The following HIVEP3 variants were observed in gnomAD, a reference collection of about 807,000 sequenced individuals.
HIVEP3 encodes the protein transcription factor HIVEP3.
A neutral mutation model predicts 152.8 loss-of-function variants in HIVEP3; 49 were observed. The ratio of observed to expected loss-of-function variants is 0.32; its 90% CI spans 0.26 to 0.41. The LOEUF (loss-of-function observed/expected upper bound fraction) is 0.41, where lower values mean the gene tolerates loss of function less well. HIVEP3 is among the 10% of genes least tolerant of loss of function. The pLI is 1.00. For missense variants in HIVEP3, 2,790 were observed against 3,103.3 expected, an observed-to-expected ratio of 0.90 and a Z score of 2.40; for synonymous variants, 1,269 against 1,289.0, an observed-to-expected ratio of 0.98 and a Z score of 0.33.
chr1:41,534,758 T>C (rs908799806), intron 5 of HIVEP3, among the ~76,000 whole-genome samples: 3 of 152,014 alleles, frequency 2.0e-5, no homozygotes, highest in African/African-American at 7.2e-5. Context: ...ACTCCAGGAG[T>C]TCCTGAGCAC....
chr1:41,995,162 A>C (rs774183536), intron 1 of HIVEP3, among the ~76,000 whole-genome samples: 4 of 152,110 alleles, frequency 2.6e-5, no homozygotes, highest in Non-Finnish European at 5.9e-5. Flanking sequence ...GTACCCAGTG[A>C]AAGGCCCAGT....
intron 1 of HIVEP3, among the ~76,000 whole-genome samples, chr1:41,905,637 T>A (rs751550285): frequency 2.0e-5 from 3 of 152,094 alleles, no homozygotes; most frequent in Non-Finnish European, 4.4e-5. Context: ...GATCACACAG[T>A]TAGTATATGA....
In HIVEP3 at chr1:41,580,149, C is replaced by T; in HGVS notation, c.4649G>A (p.Ser1550Asn). 1 of 1,613,716 alleles carries T rather than the reference C, an allele frequency of 6.2e-7. No individual in the cohort carries two copies. Among genetic ancestry groups the T allele is most frequent in the East Asian group, 2.2e-5 (1 of 44,878 alleles). Residue 1550 changes from serine (S) to asparagine (N), a missense_variant, in exon 4 of 9, where the codon AGC (serine) becomes AAC (asparagine). Transcript: ENST00000372583. ...TTCCTTGGAATCTTCTTTCTTCACG[C>T]TCAGTGGGGTCAACCCTCTTCGGTG... ...KPHRRGLTPL[S>N]VKKEDSKEQP...
intron 1 of HIVEP3, among the ~76,000 whole-genome samples, chr1:42,000,997 T>C (rs1367956991): frequency 2.6e-5 from 4 of 152,156 alleles, no homozygotes; most frequent in African/African-American, 9.7e-5. Flanking sequence ...AACAACCCCA[T>C]GAAGCATGAC....
intron 1 of HIVEP3, among the ~76,000 whole-genome samples, chr1:41,834,457 G>C (rs1643063135): frequency 1.3e-5 from 2 of 152,200 alleles, no homozygotes; most frequent in South Asian, 4.1e-4. Flanking sequence ...AGCACACCAA[G>C]TGTTCAGTAA....
chr1:41,584,233 G>A lies in HIVEP3; in HGVS notation c.565C>T (p.Pro189Ser). Residue 189 changes from proline (P) to serine (S), a missense_variant, in exon 4 of 9, where the codon CCA (proline) becomes TCA (serine). Transcript: ENST00000372583. This position sits in a 1 kb window ranked among gnomAD's most constrained non-coding sequence, Gnocchi z 5.2. ...AHKKERKPQK[P>S]GKYICQYCSR... ...CAGTACTGGCAGATGTACTTGCCTG[G>A]CTTCTGGGGCTTCCTCTCCTTCTTG... The A allele has an allele frequency of 6.2e-7, 1 of 1,613,960 alleles. No homozygotes were observed. Among genetic ancestry groups the A allele is most frequent in the Non-Finnish European group, 8.5e-7 (1 of 1,179,872 alleles).
rs569421323 is a variant in HIVEP3 at position 41,980,948 on chromosome 1, T to A, written n.119+54859A>T. On this transcript the variant is annotated intron_variant and non_coding_transcript_variant, in intron 1 of 3. Coordinates refer to the HIVEP3 transcript ENST00000489103. ...AATGTTAGGAGGATGGGCCTGCTGG[T>A]GTCTGGGCCAGCAGGAGAGAAAGCA... Among the ~76,000 whole-genome samples, 33 of 152,274 alleles carry A rather than the reference T, an allele frequency of 2.2e-4. No individual in the cohort carries two copies. The South Asian group carries it at 6.6e-3, about 31-fold the overall frequency.
At chr1:41,909,961 T>C (rs2124463689) in intron 1 of HIVEP3, among the ~76,000 whole-genome samples, 1 of 152,166 alleles carries the variant, frequency 6.6e-6, no homozygotes, top group East Asian at 1.9e-4. Context: ...GTAAATATTG[T>C]ATAGCTTACA....
intron 6 of HIVEP3, 81 bp downstream of exon 6, chr1:41,524,654 C>T: frequency 1.5e-6 from 2 of 1,319,652 alleles, no homozygotes; most frequent in Non-Finnish European, 2.2e-6. Context: ...GAGGTCTGGG[C>T]ACCTGAACTC....
At chr1:41,712,725 A>G (rs1646532787) in intron 1 of HIVEP3, among the ~76,000 whole-genome samples, 1 of 152,230 alleles carries the variant, frequency 6.6e-6, no homozygotes, top group Non-Finnish European at 1.5e-5. Context: ...CACAGGCCAG[A>G]GCTGGTCCCC....
At position 41,511,370 on chromosome 1, in the gene HIVEP3, G is replaced by C. The variant is rs111432218; in HGVS notation, c.6406-104C>G. On this transcript the variant is annotated intron_variant, in intron 8 of 8. Transcript: ENST00000372583. This position sits in a 1 kb window ranked among gnomAD's most constrained non-coding sequence, Gnocchi z 4.9. ...GGGGACTCGCCCAAGATCACAGAGC[G>C]AGTCCAGGGTCCCGGCTGAGCTGAG... 9.4e-7 allele frequency: 1 copy of C among 1,062,256 alleles called. No homozygotes were observed. The highest frequency in any genetic ancestry group is 1.3e-6 in the Non-Finnish European group (1 of 752,306). The allele number at this position is 1,062,256 out of a possible 1,614,324, so 65.8% of individuals were successfully genotyped here. A position where few individuals can be genotyped will look rare whatever the true frequency, so the allele number is the denominator to read the frequency against.
intron 1 of HIVEP3, among the ~76,000 whole-genome samples, chr1:41,915,096 A>G (rs1211705093): frequency 6.6e-6 from 1 of 151,980 alleles, no homozygotes; most frequent in Non-Finnish European, 1.5e-5. Flanking sequence ...CACAGGTGCC[A>G]TTATCATGGA....
At chr1:41,615,012 T>G (rs369676843) in intron 3 of HIVEP3, among the ~76,000 whole-genome samples, 1 of 152,230 alleles carries the variant, frequency 6.6e-6, no homozygotes, top group African/African-American at 2.4e-5. Flanking sequence ...GAAGGCCAGG[T>G]GGGCCCCACC....
chr1:41,997,319 T>C (rs1355513687), intron 1 of HIVEP3, among the ~76,000 whole-genome samples: 2 of 152,192 alleles, frequency 1.3e-5, no homozygotes, highest in African/African-American at 4.8e-5. Flanking sequence ...TACCACGCCT[T>C]TCCTGTTGTG....
At chr1:41,989,294 G>C (rs368173036) in intron 1 of HIVEP3, among the ~76,000 whole-genome samples, 170 of 152,142 alleles carry the variant, frequency 1.1e-3, no homozygotes, top group African/African-American at 3.9e-3. Context: ...TGCACAGTAT[G>C]TGTACATATA....
At chr1:41,761,257 C>G (rs1647659965) in intron 1 of HIVEP3, among the ~76,000 whole-genome samples, 1 of 151,974 alleles carries the variant, frequency 6.6e-6, no homozygotes, top group South Asian at 2.1e-4. Flanking sequence ...TGTATGTATG[C>G]ATGTGCATGT....
intron 2 of HIVEP3, among the ~76,000 whole-genome samples, chr1:41,645,318 G>C (rs1645442694): frequency 6.6e-6 from 1 of 152,212 alleles, no homozygotes; most frequent in Non-Finnish European, 1.5e-5. Flanking sequence ...CACAGGGAGG[G>C]AGAGAAGATG....
At chr1:41,693,708 C>T (rs571178693) in intron 2 of HIVEP3, among the ~76,000 whole-genome samples, 2 of 152,320 alleles carry the variant, frequency 1.3e-5, no homozygotes, top group Admixed American at 1.3e-4. Context: ...CGTAAGGAGG[C>T]ATTCGTCATT....
chr1:41,584,276 C>A lies in HIVEP3; in HGVS notation c.522G>T (p.Lys174Asn). ...CCTTCTTGTGTGCCTCTTCTGTGGG[C>A]TTCAAGGAGACCTGGGAAGGACGAG... Reference protein sequence around the residue: ...FVPRPSQVSLKPTEEAHKKER... With the variant: ...FVPRPSQVSLNPTEEAHKKER... Residue 174 changes from lysine to asparagine, a missense_variant, in exon 4 of 9, where the codon AAG (lysine) becomes AAT (asparagine). This residue lies in a region of HIVEP3 where 209 missense variants were observed against 237.0 expected (regional missense o/e 0.88). Coordinates refer to ENST00000372583, the MANE Select transcript of HIVEP3 (RefSeq NM_024503.5). The surrounding 1 kb of genome is among the most constrained non-coding windows in gnomAD (Gnocchi z 5.2). 6.2e-7 allele frequency: 1 copy of A among 1,613,606 alleles called. No individual in the cohort carries two copies. Among genetic ancestry groups the A allele is most frequent in the Admixed American group, 1.7e-5 (1 of 59,976 alleles).
Sources: allele counts gnomAD v4.1 joint callset (sites outside exome capture counted in the v4.1 genomes callset), GRCh38; gene constraint gnomAD v4.1.1; regional missense constraint gnomAD v4.1.1; non-coding constraint Gnocchi (gnomAD v3.1); transcripts MANE v1.5; gene names NCBI Gene and HGNC (gene_info 2026-07-23, HGNC 2026-07-21).